The following SENP7 variants were observed in gnomAD, a reference collection of about 807,000 sequenced individuals.
SENP7 encodes SUMO specific peptidase 7.
SENP7 carries 64 observed loss-of-function variants against 141.2 expected under a neutral mutation model. That is an observed-to-expected ratio of 0.45 (90% CI 0.37 to 0.56). The LOEUF (loss-of-function observed/expected upper bound fraction) is 0.56, where lower values mean the gene tolerates loss of function less well. Among genes scored for constraint, SENP7 ranks in the 20% least tolerant of loss-of-function variants. The pLI, the probability that SENP7 is intolerant of heterozygous loss-of-function variation, is 0.00. For missense variants in SENP7, 1,025 were observed against 1,212.2 expected (o/e 0.85, Z 2.29); for synonymous variants, 382 against 426.4 (o/e 0.90, Z 1.28).
chr3:101,470,629 T>A (rs1045845638), intron 3 of SENP7, among the ~76,000 whole-genome samples: 1 of 152,146 alleles, frequency 6.6e-6, no homozygotes, highest in East Asian at 1.9e-4. Flanking sequence ...CTATTCAACA[T>A]AGTATTGGAA....
At chr3:101,492,275 T>G (rs892905613) in intron 3 of SENP7, among the ~76,000 whole-genome samples, 1 of 151,682 alleles carries the variant, frequency 6.6e-6, no homozygotes, top group African/African-American at 2.4e-5. Context: ...CTCAGGAGGC[T>G]GAGGTGGGAG....
At chr3:101,335,953 G>A (rs541279455) in intron 17 of SENP7, among the ~76,000 whole-genome samples, 19 of 152,134 alleles carry the variant, frequency 1.2e-4, no homozygotes, top group Non-Finnish European at 2.8e-4. Flanking sequence ...ACTCAAAATG[G>A]AGTTAATCAT....
At chr3:101,335,039 T>A (rs1362367036) in intron 17 of SENP7, among the ~76,000 whole-genome samples, 1 of 152,160 alleles carries the variant, frequency 6.6e-6, no homozygotes, top group Non-Finnish European at 1.5e-5. Context: ...AGTCCCTAAC[T>A]TCATGTAGCT....
chr3:101,474,215 T>C (rs2064124165), intron 3 of SENP7, among the ~76,000 whole-genome samples: 1 of 152,212 alleles, frequency 6.6e-6, no homozygotes. Context: ...TAGTTTTCTC[T>C]AGTTCTGTAA....
intron 4 of SENP7, among the ~76,000 whole-genome samples, chr3:101,447,868 C>T (rs974089827): frequency 1.3e-5 from 2 of 152,020 alleles, no homozygotes; most frequent in Non-Finnish European, 2.9e-5. Context: ...ATAGCAGTAC[C>T]AGCATATGGA....
At chr3:101,374,394 G>A (rs974520612) in intron 6 of SENP7, among the ~76,000 whole-genome samples, 1 of 152,066 alleles carries the variant, frequency 6.6e-6, no homozygotes, top group Non-Finnish European at 1.5e-5. Flanking sequence ...ATTAGATTTG[G>A]CAGTGATTTC....
Position 101,343,680 on chromosome 3 carries a change from G to A in SENP7, c.2106+6C>T, listed in dbSNP as rs1179587013. 1 of 1,603,958 alleles carries A rather than the reference G, an allele frequency of 6.2e-7. No individual in the cohort carries two copies. Among genetic ancestry groups the A allele is most frequent in the South Asian group, 1.1e-5 (1 of 89,088 alleles). Reference sequence around the variant, plus strand: ...TCTCTGCCAATTATATTAATGATATGCTAACCTGAGATACTGATTTCAGCT... The same window carrying A: ...TCTCTGCCAATTATATTAATGATATACTAACCTGAGATACTGATTTCAGCT... On this transcript the variant is annotated splice_donor_region_variant and intron_variant, in intron 14 of 23. Coordinates refer to ENST00000394095, the MANE Select transcript of SENP7 (RefSeq NM_020654.5).
intron 11 of SENP7, chr3:101,357,507 C>A: frequency 7.1e-7 from 1 of 1,403,438 alleles, no homozygotes; most frequent in Non-Finnish European, 9.6e-7. Context: ...GATCTTTGGC[C>A]AGAGCAGAGC....
intron 4 of SENP7, among the ~76,000 whole-genome samples, chr3:101,431,508 C>CTTTTT (rs56937965): frequency 1.3e-3 from 108 of 82,888 alleles, no homozygotes; most frequent in African/African-American, 1.6e-3. Context: ...GCAACCCCTG[C>CTTTTT]TTTTTTTTTT....
intron 14 of SENP7, among the ~76,000 whole-genome samples, chr3:101,342,305 G>C (rs902819292): frequency 2.0e-5 from 3 of 152,142 alleles, no homozygotes; most frequent in African/African-American, 7.2e-5. Flanking sequence ...GTGCACAGGT[G>C]TATATATGAG....
At chr3:101,459,936 A>C (rs1488655806) in intron 3 of SENP7, among the ~76,000 whole-genome samples, 3 of 152,190 alleles carry the variant, frequency 2.0e-5, no homozygotes. Flanking sequence ...TTCCACTTAC[A>C]ATAGCATATC....
rs992783453 is a variant in SENP7 at position 101,362,536 on chromosome 3, G to T, written c.1477-675C>A. ...TGTTACAAGGATAATATTGCGTGATGCTGAGGGTTGGGCTTCTATTGAACC... is the reference window on the plus strand; with the variant it reads ...TGTTACAAGGATAATATTGCGTGATTCTGAGGGTTGGGCTTCTATTGAACC... On this transcript the variant is annotated intron_variant, in intron 10 of 23. Transcript: ENST00000394095. 2.4e-4 allele frequency among the ~76,000 whole-genome samples: 37 copies of T among 152,242 alleles called. 1 individual carries two copies. Among genetic ancestry groups the T allele is most frequent in the Middle Eastern group, 6.8e-3 (2 of 294 alleles).
intron 10 of SENP7, 40 bp from the exon 11 acceptor site, chr3:101,361,901 G>A: frequency 6.5e-7 from 1 of 1,543,144 alleles, no homozygotes; most frequent in East Asian, 2.4e-5. Flanking sequence ...TAATTCTTAA[G>A]TACTATATAA....
intron 4 of SENP7, among the ~76,000 whole-genome samples, chr3:101,425,019 G>A (rs77014213): frequency 0.018 from 2,791 of 152,158 alleles, 31 homozygotes; most frequent in Non-Finnish European, 0.027. Flanking sequence ...CTTGTCCACC[G>A]CCATGTAAGA....
At chr3:101,329,058 C>G (rs924697195) in intron 20 of SENP7, among the ~76,000 whole-genome samples, 1 of 152,126 alleles carries the variant, frequency 6.6e-6, no homozygotes, top group Non-Finnish European at 1.5e-5. Flanking sequence ...CCCTTTGAAG[C>G]CTAAGATGCA....
At chr3:101,406,752 A>C (rs2061319081) in intron 5 of SENP7, among the ~76,000 whole-genome samples, 1 of 152,172 alleles carries the variant, frequency 6.6e-6, no homozygotes, top group Non-Finnish European at 1.5e-5. Context: ...AAAGATCATC[A>C]CCTAGTCACA....
intron 4 of SENP7, among the ~76,000 whole-genome samples, chr3:101,442,044 T>C (rs561754604): frequency 6.6e-6 from 1 of 152,244 alleles, no homozygotes; most frequent in Admixed American, 6.5e-5. Flanking sequence ...AAAAAGTCTC[T>C]ACCAAATGAG....
rs1427812174 is a variant in SENP7 at position 101,469,801 on chromosome 3, G to A, written c.187-10749C>T. On this transcript the variant is annotated intron_variant, in intron 3 of 23. Transcript: ENST00000394095. Reference sequence around the variant, plus strand: ...ATTGCGCCACTGCAGTCCGTAGTCCGGCCTGGGCGACAGAGCAAGACTCCG... The same window carrying A: ...ATTGCGCCACTGCAGTCCGTAGTCCAGCCTGGGCGACAGAGCAAGACTCCG... Among the ~76,000 whole-genome samples the A allele has an allele frequency of 1.6e-4, 14 of 89,546 alleles. 4 individuals carry two copies. The highest frequency in any genetic ancestry group is 8.0e-4 in the South Asian group (2 of 2,496). 58.7% of individuals were successfully genotyped at this position (89,546 alleles called of 152,430 possible).
intron 4 of SENP7, among the ~76,000 whole-genome samples, chr3:101,428,205 T>C (rs1302823241): frequency 6.6e-6 from 1 of 152,256 alleles, no homozygotes; most frequent in Non-Finnish European, 1.5e-5. Context: ...CCTTTGGGTA[T>C]ATACCCAGTA....
Sources: gnomAD v4.1 joint callset for allele counts (sites outside exome capture counted in the v4.1 genomes callset) on GRCh38, gnomAD v4.1.1 for gene constraint, MANE v1.5 for transcripts, NCBI Gene and HGNC (gene_info 2026-07-23, HGNC 2026-07-21) for gene names.